NF1: variants seen among roughly 807,000 people sequenced by gnomAD.
NF1 encodes neurofibromin.
NF1 carries 122 observed loss-of-function variants against 325.7 expected under a neutral mutation model. The observed-to-expected ratio is 0.37, with a 90% CI of 0.32 to 0.44. The LOEUF (loss-of-function observed/expected upper bound fraction) is 0.44, where lower values mean the gene tolerates loss of function less well. NF1 is among the 20% of genes least tolerant of loss of function. The probability of loss-of-function intolerance (pLI) is 1.00; values close to 1 mark genes in which losing one functional copy is unlikely to be tolerated. For missense variants in NF1, 2,140 were observed against 3,415.4 expected, an observed-to-expected ratio of 0.63 and a Z score of 9.31; for synonymous variants, 1,091 against 1,186.0, an observed-to-expected ratio of 0.92 and a Z score of 1.65.
chr17:31,195,208 C>T (rs2066413234), intron 8 of NF1, among the ~76,000 whole-genome samples: 1 of 152,102 alleles, frequency 6.6e-6, no homozygotes, highest in Admixed American at 6.5e-5. Context: ...GCTTCCTATT[C>T]ACTCTTGACC....
chr17:31,359,155 G>A lies in NF1; in HGVS notation c.8160+140G>A. On this transcript the variant is annotated intron_variant, in intron 56 of 57. Coordinates refer to ENST00000358273, the MANE Select transcript of NF1 (RefSeq NM_001042492.3). ...AACACATATGTTACTTTTATAAAAA[G>A]TTTCTCATCACAAGGTTTTTTTCCA... is the stretch of plus-strand genomic sequence containing the variant. The A allele has an allele frequency of 5.4e-6, 4 of 746,078 alleles. No homozygotes were observed. In the East Asian group the frequency reaches 8.2e-5, roughly 15 times the overall value. The allele number at this position is 746,078 out of a possible 1,614,324, so 46.2% of individuals were successfully genotyped here.
chr17:31,169,853 C>T (rs1354450121), intron 4 of NF1, 38 bp from the exon 5 acceptor site: 2 of 1,430,110 alleles, frequency 1.4e-6, no homozygotes, highest in East Asian at 2.3e-5. Context: ...TCCCCTAATA[C>T]TTAATTTGAT....
At chr17:31,277,446 G>A (rs1329946942) in intron 36 of NF1, among the ~76,000 whole-genome samples, 2 of 152,176 alleles carry the variant, frequency 1.3e-5, no homozygotes, top group African/African-American at 2.4e-5. Flanking sequence ...GTCTTAGCCA[G>A]TGATATTTTG....
chr17:31,266,619 CGTT>C (rs1464233101), intron 36 of NF1, among the ~76,000 whole-genome samples: 2 of 152,102 alleles, frequency 1.3e-5, no homozygotes, highest in Admixed American at 6.6e-5. Flanking sequence ...TTTACTTTTC[CGTT>C]GTTGTCTAAG....
intron 12 of NF1, among the ~76,000 whole-genome samples, chr17:31,209,400 G>A (rs2066683482): frequency 6.6e-6 from 1 of 152,180 alleles, no homozygotes; most frequent in Non-Finnish European, 1.5e-5. Flanking sequence ...GGAGAGACAA[G>A]TTACTTGTTG....
rs9889383 is a variant in NF1, at chr17:31,282,061, A to G, written c.4835+16722A>G. Among the ~76,000 whole-genome samples, 1,050 of 136,762 alleles carry G rather than the reference A, an allele frequency of 7.7e-3. 14 individuals are homozygous for G. Among genetic ancestry groups the G allele is most frequent in the African/African-American group, 0.029 (984 of 34,292 alleles). 89.7% of individuals were successfully genotyped at this position (136,762 alleles called of 152,430 possible). A position where few individuals can be genotyped will look rare whatever the true frequency, so the allele number is the denominator to read the frequency against. On this transcript the variant is annotated intron_variant, in intron 36 of 57. Transcript: ENST00000358273. ...GACAATGGAGAGAGACCCTGTCTGG[A>G]AAAAAAAAAAAAAATCTTTTTTTTA... is the stretch of plus-strand genomic sequence containing the variant.
At chr17:31,308,829 A>G (rs2068798337) in intron 36 of NF1, among the ~76,000 whole-genome samples, 1 of 152,130 alleles carries the variant, frequency 6.6e-6, no homozygotes, top group South Asian at 2.1e-4. Context: ...ATGGTTCCTT[A>G]CATAATTCAT....
intron 36 of NF1, among the ~76,000 whole-genome samples, chr17:31,267,809 A>G (rs1380657636): frequency 6.6e-6 from 1 of 152,132 alleles, no homozygotes; most frequent in African/African-American, 2.4e-5. Context: ...GTTTCTCAGT[A>G]CCATCATCAT....
intron 36 of NF1, among the ~76,000 whole-genome samples, chr17:31,324,372 G>A (rs1439323628): frequency 5.3e-5 from 8 of 151,706 alleles, no homozygotes; most frequent in African/African-American, 1.5e-4. Flanking sequence ...CTGCCTGTAT[G>A]TGTGATATTT....
At chr17:31,143,084 G>C (rs1167005424) in intron 1 of NF1, among the ~76,000 whole-genome samples, 1 of 151,854 alleles carries the variant, frequency 6.6e-6, no homozygotes, top group African/African-American at 2.4e-5. Flanking sequence ...GTGTCTTTTT[G>C]TTATAGAATT....
Position 31,095,180 on chromosome 17 carries a change from A to C in NF1, c.-130A>C. On this transcript the variant is annotated 5_prime_UTR_variant, in exon 1 of 58. Transcript: ENST00000358273. ...CCCCCATCCCCACCCCCGTGGGAAC[A>C]CTGGGAGCCTGCACTCCACAGACCC... 1 of 746,592 alleles carries C rather than the reference A, an allele frequency of 1.3e-6. No homozygotes were observed. Among genetic ancestry groups the C allele is most frequent in the Non-Finnish European group, 2.3e-6 (1 of 443,768 alleles). The allele number at this position is 746,592 out of a possible 1,614,324, so 46.2% of individuals were successfully genotyped here.
chr17:31,218,445 A>G lies in NF1; in HGVS notation c.1528-560A>G, dbSNP rs145088280. Among the ~76,000 whole-genome samples, 498 of 152,302 alleles carry G rather than the reference A, an allele frequency of 3.3e-3. 9 individuals are homozygous for G. The highest frequency in any genetic ancestry group is 0.011 in the African/African-American group (469 of 41,576). ...TTATTGAGATAAAAATACTATACCC[A>G]CATACCATAAAATTCACCATCTTAA... On this transcript the variant is annotated intron_variant, in intron 13 of 57. Coordinates refer to ENST00000358273, the MANE Select transcript of NF1 (RefSeq NM_001042492.3).
chr17:31,132,682 T>C (rs1915479956), intron 1 of NF1, among the ~76,000 whole-genome samples: 1 of 152,214 alleles, frequency 6.6e-6, no homozygotes, highest in African/African-American at 2.4e-5. Flanking sequence ...TATTTATTTT[T>C]TGAGACGGAG....
At chr17:31,143,694 G>A (rs988206881) in intron 1 of NF1, among the ~76,000 whole-genome samples, 2 of 152,108 alleles carry the variant, frequency 1.3e-5, no homozygotes, top group Non-Finnish European at 2.9e-5. Context: ...TTAAATTTGT[G>A]TGTGAATATG....
At chr17:31,172,355 C>G (rs1435291690) in intron 5 of NF1, among the ~76,000 whole-genome samples, 2,177 of 149,414 alleles carry the variant, frequency 0.015, 61 homozygotes, top group African/African-American at 0.051. Flanking sequence ...CTCTCTGTCT[C>G]TCTCTCTCTC....
intron 1 of NF1, among the ~76,000 whole-genome samples, chr17:31,112,657 A>T (rs142684931): frequency 1.3e-5 from 2 of 152,156 alleles, no homozygotes; most frequent in African/African-American, 4.8e-5. Context: ...AGAATTCATA[A>T]TATATGCTGA....
intron 5 of NF1, 115 bp from the exon 6 acceptor site, chr17:31,181,307 G>T: frequency 1.0e-6 from 1 of 972,900 alleles, no homozygotes; most frequent in East Asian, 2.6e-5. Context: ...ACCTTTCATT[G>T]CTTACAGATA....
rs377065466 is a variant in NF1 at position 31,194,666 on chromosome 17, A to G, written c.889-5756A>G. On this transcript the variant is annotated intron_variant, in intron 8 of 57. Coordinates refer to ENST00000358273, the MANE Select transcript of NF1 (RefSeq NM_001042492.3). The stretch of plus-strand genomic sequence containing the variant: ...TAATACATCAAAAAATTTAAAATTA[A>G]TAATTAACAAAAGATAAAGGGCCCT... Among the ~76,000 whole-genome samples the G allele has an allele frequency of 1.5e-4, 23 of 152,292 alleles. No individual in the cohort carries two copies. The South Asian group carries it at 4.6e-3, about 30-fold the overall frequency.
At chr17:31,266,468 C>T (rs942953692) in intron 36 of NF1, among the ~76,000 whole-genome samples, 18 of 152,178 alleles carry the variant, frequency 1.2e-4, no homozygotes, top group African/African-American at 4.3e-4. Flanking sequence ...AACCCCTGCT[C>T]ACCTTCCCAT....
Sources: allele counts gnomAD v4.1 joint callset (sites outside exome capture counted in the v4.1 genomes callset), GRCh38; gene constraint gnomAD v4.1.1; transcripts MANE v1.5; gene names NCBI Gene and HGNC (gene_info 2026-07-23, HGNC 2026-07-21).